Variants in CREBBP observed in about 807,000 individuals in gnomAD.
CREBBP encodes the protein CREB binding lysine acetyltransferase.
In CREBBP, 19 loss-of-function variants were observed where a neutral mutation model predicts 265.0. That is an observed-to-expected ratio of 0.07 (90% CI 0.05 to 0.11). The LOEUF (loss-of-function observed/expected upper bound fraction) is 0.11. CREBBP is among the 10% of genes least tolerant of loss of function. The pLI is 1.00. For synonymous variants in CREBBP, 1,457 were observed against 1,223.7 expected (o/e 1.19, Z -3.98); for missense variants, 2,525 against 3,219.0 (o/e 0.78, Z 5.22).
At chr16:3,866,049 T>C (rs141323746) in intron 1 of CREBBP, among the ~76,000 whole-genome samples, 1 of 152,312 alleles carries the variant, frequency 6.6e-6, no homozygotes, top group Non-Finnish European at 1.5e-5. Context: ...AGTTTCCAGT[T>C]AGGGTCCTTA....
chr16:3,767,575 A>T (rs1362969104), intron 16 of CREBBP, 145 bp downstream of exon 16: 2 of 1,085,654 alleles, frequency 1.8e-6, no homozygotes, highest in Non-Finnish European at 2.7e-6. Context: ...GTGTTTCTGC[A>T]GGGGAAAGTC....
chr16:3,828,093 T>TG (rs984160095), intron 2 of CREBBP, among the ~76,000 whole-genome samples: 13 of 152,152 alleles, frequency 8.5e-5, no homozygotes, highest in African/African-American at 2.6e-4. Flanking sequence ...ACTTCTTTTT[T>TG]TTTTGTTTTG....
intron 3 of CREBBP, among the ~76,000 whole-genome samples, chr16:3,803,380 C>T (rs2053764766): frequency 6.6e-6 from 1 of 150,550 alleles, no homozygotes; most frequent in Non-Finnish European, 1.5e-5. Flanking sequence ...TGGCGGGCGC[C>T]TGTAATCCCA....
chr16:3,859,114 G>A (rs918558568), intron 1 of CREBBP, among the ~76,000 whole-genome samples: 2 of 151,736 alleles, frequency 1.3e-5, no homozygotes, highest in African/African-American at 2.4e-5. Context: ...GTAATACTGT[G>A]ACTATGTATT....
At chr16:3,761,505 G>A (rs1032204311) in intron 16 of CREBBP, 1 of 517,680 alleles carries the variant, frequency 1.9e-6, no homozygotes, top group Non-Finnish European at 3.9e-6. Context: ...GCTCACTTTA[G>A]AGATGAAAAC....
chr16:3,764,489 T>C (rs995278838), intron 16 of CREBBP, among the ~76,000 whole-genome samples: 1 of 152,108 alleles, frequency 6.6e-6, no homozygotes, highest in Admixed American at 6.5e-5. Flanking sequence ...TTGCCCAGGC[T>C]GGTCTTGAAC....
intron 19 of CREBBP, 24 bp downstream of exon 19, chr16:3,757,264 T>C (rs767530215): frequency 2.0e-5 from 32 of 1,571,940 alleles, no homozygotes; most frequent in Non-Finnish European, 2.8e-5. Flanking sequence ...TAAGACATAA[T>C]GCAGGATGCT....
intron 2 of CREBBP, 116 bp from the exon 3 acceptor site, chr16:3,810,895 GTTCA>G (rs2053926539): frequency 1.9e-6 from 2 of 1,075,170 alleles, no homozygotes; most frequent in Admixed American, 2.0e-5. Flanking sequence ...TAAATTCAAG[GTTCA>G]TTATCAGGTT....
intron 5 of CREBBP, among the ~76,000 whole-genome samples, chr16:3,787,709 G>GA (rs1466140462): frequency 2.0e-5 from 3 of 152,038 alleles, no homozygotes; most frequent in Non-Finnish European, 2.9e-5. Flanking sequence ...GCCCAGGCTG[G>GA]AGTGCAGTGG....
intron 1 of CREBBP, 125 bp downstream of exon 1, chr16:3,879,707 G>A (rs971011119): frequency 1.9e-6 from 2 of 1,036,316 alleles, no homozygotes; most frequent in Non-Finnish European, 2.9e-6. Context: ...GAGGGGAACG[G>A]GCTGCGGGGC....
At chr16:3,792,332 GGCAGCCCAC>G (rs2053522744) in intron 4 of CREBBP, among the ~76,000 whole-genome samples, 2 of 152,088 alleles carry the variant, frequency 1.3e-5, no homozygotes, top group African/African-American at 4.8e-5. Context: ...GGTGATAAAG[GGCAGCCCAC>G]AAAACAAAAC....
chr16:3,741,247 T>C (rs917403266), intron 23 of CREBBP: 1 of 157,358 alleles, frequency 6.4e-6, no homozygotes, highest in Non-Finnish European at 1.4e-5. Flanking sequence ...GAACGCCTCA[T>C]ATACAGGTTA....
At chr16:3,799,809 T>C (rs1486475931) in intron 3 of CREBBP, among the ~76,000 whole-genome samples, 3 of 152,110 alleles carry the variant, frequency 2.0e-5, no homozygotes, top group African/African-American at 4.8e-5. Context: ...CTGTCTGAAT[T>C]TGTGGGAGAA....
intron 1 of CREBBP, among the ~76,000 whole-genome samples, chr16:3,853,981 C>CAT (rs1555497364): frequency 6.6e-6 from 1 of 152,054 alleles, no homozygotes; most frequent in African/African-American, 2.4e-5. Context: ...CACACACACA[C>CAT]ACGAAAAAGA....
At position 3,833,023 on chromosome 16, in the gene CREBBP, AG is replaced by A. The variant is rs1375608421; in HGVS notation, c.798+17273del. ...CCTCATCCTAATGAATGATACCTAA[AG>A]CCTACAACTAACATTATACTTAACG... On this transcript the variant is annotated intron_variant, in intron 2 of 30. Transcript: ENST00000262367. 4.6e-4 allele frequency among the ~76,000 whole-genome samples: 70 copies of A among 152,228 alleles called. 2 individuals carry two copies. Among genetic ancestry groups the A allele is most frequent in the Non-Finnish European group, 4.4e-5 (3 of 68,040 alleles).
chr16:3,844,426 ATAGG>A (rs2054625382), intron 2 of CREBBP, among the ~76,000 whole-genome samples: 2 of 152,222 alleles, frequency 1.3e-5, no homozygotes, highest in African/African-American at 4.8e-5. Flanking sequence ...GTTAATCAAC[ATAGG>A]TAGGTATCAA....
intron 19 of CREBBP, among the ~76,000 whole-genome samples, chr16:3,753,283 T>G (rs2052515997): frequency 6.6e-6 from 1 of 152,220 alleles, no homozygotes; most frequent in Non-Finnish European, 1.5e-5. Context: ...GTCCCAAATC[T>G]AATCTTAATT....
intron 2 of CREBBP, among the ~76,000 whole-genome samples, chr16:3,843,974 C>G (rs954538033): frequency 6.6e-5 from 10 of 150,470 alleles, no homozygotes; most frequent in African/African-American, 2.4e-4. Context: ...CGGTGAAACC[C>G]CGTCTCTACT....
At chr16:3,873,406 T>C (rs1205965901) in intron 1 of CREBBP, among the ~76,000 whole-genome samples, 1 of 152,168 alleles carries the variant, frequency 6.6e-6, no homozygotes, top group Non-Finnish European at 1.5e-5. Flanking sequence ...CGGCTATGTA[T>C]CTGCTGAGGT....
Sources: gnomAD v4.1 joint callset for allele counts (sites outside exome capture counted in the v4.1 genomes callset) on GRCh38, gnomAD v4.1.1 for gene constraint, MANE v1.5 for transcripts, NCBI Gene and HGNC (gene_info 2026-07-23, HGNC 2026-07-21) for gene names.